The following BANK1 variants were observed in gnomAD, a reference collection of about 807,000 sequenced individuals.
BANK1 encodes the protein B cell scaffold protein with ankyrin repeats 1.
BANK1 carries 95 observed loss-of-function variants against 94.5 expected under a neutral mutation model. That is an observed-to-expected ratio of 1.00 (90% CI 0.85 to 1.19). BANK1 has a LOEUF of 1.19. BANK1 is among the 50% of genes most tolerant of loss of function. The pLI is 0.00. For missense variants in BANK1, 987 were observed against 932.2 expected (o/e 1.06, Z -0.77); for synonymous variants, 334 against 308.4 (o/e 1.08, Z -0.87).
At chr4:101,816,617 T>C (rs998391115) in intron 1 of BANK1, among the ~76,000 whole-genome samples, 1 of 151,510 alleles carries the variant, frequency 6.6e-6, no homozygotes, top group Non-Finnish European at 1.5e-5. Context: ...CAGATGTATG[T>C]TGAGGGAGGA....
intron 7 of BANK1, among the ~76,000 whole-genome samples, chr4:102,010,408 T>C (rs1186139049): frequency 1.3e-5 from 2 of 151,292 alleles, no homozygotes; most frequent in South Asian, 2.1e-4. Context: ...TTTTTTTTTT[T>C]TGGGACGGAG....
intron 14 of BANK1, 144 bp from the exon 15 acceptor site, chr4:102,072,201 C>T (rs748626985): frequency 4.7e-5 from 32 of 679,246 alleles, no homozygotes; most frequent in African/African-American, 2.2e-4. Context: ...GGTGCCTTTT[C>T]GGTATCCCCC....
chr4:102,000,448 A>G (rs1351431694), intron 7 of BANK1, among the ~76,000 whole-genome samples: 2 of 151,914 alleles, frequency 1.3e-5, no homozygotes. Context: ...TGACTACCCT[A>G]CCTATAAACC....
At chr4:101,877,417 C>G (rs952326471) in intron 5 of BANK1, among the ~76,000 whole-genome samples, 1 of 152,076 alleles carries the variant, frequency 6.6e-6, no homozygotes, top group Non-Finnish European at 1.5e-5. Context: ...GTAAACTACT[C>G]TTATTTCAAT....
At chr4:101,839,217 G>A (rs1476063223) in intron 2 of BANK1, among the ~76,000 whole-genome samples, 3 of 152,074 alleles carry the variant, frequency 2.0e-5, no homozygotes, top group Non-Finnish European at 4.4e-5. Flanking sequence ...CTCATATGTT[G>A]AGAGAGCTGA....
At chr4:101,848,487 T>C (rs527324615) in intron 2 of BANK1, among the ~76,000 whole-genome samples, 1 of 152,264 alleles carries the variant, frequency 6.6e-6, no homozygotes, top group South Asian at 2.1e-4. Context: ...AAGTCATCAC[T>C]AAAAACACTC....
intron 3 of BANK1, 54 bp downstream of exon 3, chr4:101,855,243 G>C (rs1727639219): frequency 1.3e-6 from 2 of 1,531,326 alleles, no homozygotes; most frequent in East Asian, 4.6e-5. Flanking sequence ...TGGTGGTGGT[G>C]GTGGTTGTTG....
intron 4 of BANK1, among the ~76,000 whole-genome samples, chr4:101,868,688 G>A (rs1217842061): frequency 1.3e-5 from 2 of 151,830 alleles, no homozygotes; most frequent in African/African-American, 2.4e-5. Flanking sequence ...TTTTTACTGA[G>A]AGGCTGTAAA....
chr4:102,054,363 T>C (rs1728157367), intron 11 of BANK1, among the ~76,000 whole-genome samples: 1 of 152,076 alleles, frequency 6.6e-6, no homozygotes, highest in South Asian at 2.1e-4. Context: ...GCACATTACA[T>C]ATATTAGCTC....
chr4:101,881,569 A>C (rs1463922181), intron 5 of BANK1, among the ~76,000 whole-genome samples: 1 of 152,188 alleles, frequency 6.6e-6, no homozygotes, highest in African/African-American at 2.4e-5. Flanking sequence ...TGCTGGGTAT[A>C]TACCCAAAAG....
chr4:101,868,333 A>C (rs1489428585), intron 4 of BANK1, among the ~76,000 whole-genome samples: 3 of 152,070 alleles, frequency 2.0e-5, no homozygotes, highest in African/African-American at 7.2e-5. Context: ...TACTAATTTC[A>C]GAGAAAGAAG....
chr4:101,820,978 G>A (rs1003449361), intron 1 of BANK1, among the ~76,000 whole-genome samples: 5 of 151,956 alleles, frequency 3.3e-5, no homozygotes, highest in Non-Finnish European at 7.4e-5. Flanking sequence ...TATTCCTCTG[G>A]GTGGGTCGAA....
chr4:102,062,137 T>TATC (rs1271294418), intron 12 of BANK1: 1 of 152,198 alleles, frequency 6.6e-6, no homozygotes, highest in Non-Finnish European at 1.5e-5. Flanking sequence ...TAAATGAAGT[T>TATC]ATCAGAGGTA....
intron 10 of BANK1, among the ~76,000 whole-genome samples, chr4:102,032,629 T>C (rs1289291369): frequency 6.6e-6 from 1 of 152,086 alleles, no homozygotes; most frequent in Non-Finnish European, 1.5e-5. Context: ...ATGTCTGTAA[T>C]CCCAGCACTT....
At chr4:101,948,934 A>G (rs73836678) in intron 7 of BANK1, among the ~76,000 whole-genome samples, 138 of 152,166 alleles carry the variant, frequency 9.1e-4, no homozygotes, top group African/African-American at 3.2e-3. Context: ...GACTTGTTGC[A>G]TTAATTTTTA....
At chr4:102,070,058 A>C (rs1259094215) in intron 13 of BANK1, among the ~76,000 whole-genome samples, 1 of 152,212 alleles carries the variant, frequency 6.6e-6, no homozygotes, top group Non-Finnish European at 1.5e-5. Context: ...TTGTCTCCTC[A>C]GAAGAAAGAA....
intron 7 of BANK1, among the ~76,000 whole-genome samples, chr4:101,940,795 T>A (rs140565098): frequency 6.6e-6 from 1 of 151,792 alleles, no homozygotes; most frequent in Non-Finnish European, 1.5e-5. Context: ...ACATAACTCA[T>A]CATTGCTGAT....
intron 7 of BANK1, among the ~76,000 whole-genome samples, chr4:101,978,343 CAGAG>C (rs1468035290): frequency 6.6e-6 from 1 of 151,948 alleles, no homozygotes; most frequent in Non-Finnish European, 1.5e-5. Flanking sequence ...TACTAATAAA[CAGAG>C]AGACTAAATT....
intron 5 of BANK1, among the ~76,000 whole-genome samples, chr4:101,882,114 G>T (rs1445946216): frequency 2.0e-5 from 3 of 152,166 alleles, no homozygotes; most frequent in South Asian, 2.1e-4. Context: ...TGCTTGAGGG[G>T]ATGGATACCC....
Sources: allele counts gnomAD v4.1 joint callset (sites outside exome capture counted in the v4.1 genomes callset), GRCh38; gene constraint gnomAD v4.1.1; transcripts MANE v1.5; gene names NCBI Gene and HGNC (gene_info 2026-07-23, HGNC 2026-07-21).